ZNF35: variants seen among roughly 807,000 people sequenced by gnomAD.
ZNF35 encodes the protein zinc finger protein 35 (clone HF.10).
ZNF35 carries 31 observed loss-of-function variants against 45.9 expected under a neutral mutation model. The ratio of observed to expected loss-of-function variants is 0.68; its 90% CI spans 0.51 to 0.91. ZNF35 has a LOEUF of 0.91. Among genes scored for constraint, ZNF35 ranks in the 40% least tolerant of loss-of-function variants. The pLI is 0.00. For synonymous variants in ZNF35, 205 were observed against 220.2 expected (o/e 0.93, Z 0.61); for missense variants, 515 against 625.4 (o/e 0.82, Z 1.88).
At chr3:44,650,661 G>T (rs975767181) in intron 1 of ZNF35, among the ~76,000 whole-genome samples, 2 of 152,118 alleles carry the variant, frequency 1.3e-5, no homozygotes, top group African/African-American at 2.4e-5. Context: ...TTAATCATTT[G>T]CTGCTTTTAA....
Position 44,659,854 on chromosome 3 carries a change from T to G in ZNF35, c.1491T>G (p.Thr497=). ...SSLTVHQRTH[T]GEKPYECEKC... Reference sequence around the variant, plus strand: ...TCACCGTGCACCAGAGAACCCACACTGGGGAGAAGCCCTATGAATGTGAGA... The same window carrying G: ...TCACCGTGCACCAGAGAACCCACACGGGGGAGAAGCCCTATGAATGTGAGA... The change falls in exon 4 of 4, where the codon ACT becomes ACG. Residue 497 remains threonine (T), a synonymous_variant. Transcript: ENST00000396056. The surrounding 1 kb of genome is among the most constrained non-coding windows in gnomAD (Gnocchi z 4.3). 6.2e-7 allele frequency: 1 copy of G among 1,613,566 alleles called. No homozygotes were observed. Among genetic ancestry groups the G allele is most frequent in the Non-Finnish European group, 8.5e-7 (1 of 1,179,648 alleles).
chr3:44,658,968 A>C lies in ZNF35; in HGVS notation c.605A>C (p.Lys202Thr), dbSNP rs374168391. 5.9e-5 allele frequency: 96 copies of C among 1,614,106 alleles called. No individual in the cohort carries two copies. The highest frequency in any genetic ancestry group is 7.8e-5 in the Non-Finnish European group (92 of 1,180,048). Residue 202 changes from lysine (K) to threonine (T), a missense_variant, in exon 4 of 4, where the codon AAA becomes ACA. By Grantham distance (78) the Lys-to-Thr change is moderately conservative (BLOSUM62 -1). Coordinates refer to ENST00000396056, the MANE Select transcript of ZNF35 (RefSeq NM_003420.4). ...ENQKCKKSGG[K>T]YSLNSGAVKN... is the part of the protein sequence containing the mutation. The stretch of plus-strand genomic sequence containing the variant: ...CAGAAATGTAAGAAATCTGGAGGAA[A>C]ATATAGCCTTAATTCTGGCGCTGTT...
intron 2 of ZNF35, among the ~76,000 whole-genome samples, chr3:44,651,892 CT>C (rs1703210342): frequency 6.6e-6 from 1 of 151,250 alleles, no homozygotes; most frequent in South Asian, 2.1e-4. Context: ...TTTTAAAACT[CT>C]TCAGGTAATT....
At chr3:44,648,700 T>A (rs572776458), upstream of ZNF35, 27 of 152,082 alleles carry the variant, frequency 1.8e-4, no homozygotes, top group African/African-American at 6.5e-4. Flanking sequence ...CTTGGCGACT[T>A]GGGGAGCCGG....
In ZNF35 at chr3:44,651,212, G is replaced by A. The variant is rs1232432610; in HGVS notation, c.145G>A (p.Val49Met). 2 of 1,614,132 alleles carry A rather than the reference G, an allele frequency of 1.2e-6. No homozygotes were observed. Among genetic ancestry groups the A allele is most frequent in the East Asian group, 2.2e-5 (1 of 44,880 alleles). ...CGAGAACATCAAAGTCTGGGCCCCA[G>A]TGCAGGGTCTTCAGACAGGCCTTGA... ...HSENIKVWAP[V>M]QGLQTGLDGS... Residue 49 changes from valine to methionine, a missense_variant, in exon 2 of 4, where the codon GTG becomes ATG. Coordinates refer to ENST00000396056, the MANE Select transcript of ZNF35 (RefSeq NM_003420.4).
At chr3:44,652,758 C>A in intron 3 of ZNF35, 57 bp downstream of exon 3, 1 of 1,474,106 alleles carries the variant, frequency 6.8e-7, no homozygotes, top group Non-Finnish European at 9.0e-7. Context: ...AAAATCTTTT[C>A]AGAGACTGGT....
upstream of ZNF35, chr3:44,647,937 A>C (rs957394650): frequency 2.6e-5 from 4 of 152,168 alleles, no homozygotes; most frequent in Non-Finnish European, 5.9e-5. Flanking sequence ...ATACACACAT[A>C]CTGTACCAAT....
At chr3:44,658,357 G>A (rs1295827154) in intron 3 of ZNF35, among the ~76,000 whole-genome samples, 1 of 152,184 alleles carries the variant, frequency 6.6e-6, no homozygotes, top group African/African-American at 2.4e-5. Context: ...TTCATAACTG[G>A]TCTTTGTTGC....
intron 3 of ZNF35, 78 bp downstream of exon 3, chr3:44,652,779 T>TC: frequency 7.0e-7 from 1 of 1,421,726 alleles, no homozygotes; most frequent in Non-Finnish European, 9.4e-7. Context: ...GGGCATCCAG[T>TC]CTCCTAGGTT....
intron 3 of ZNF35, among the ~76,000 whole-genome samples, chr3:44,656,807 C>T (rs1473908453): frequency 6.6e-6 from 1 of 151,122 alleles, no homozygotes; most frequent in East Asian, 2.0e-4. Flanking sequence ...AAGTGATTAT[C>T]CTGTCTCAGC....
chr3:44,653,909 C>T (rs1291305905), intron 3 of ZNF35, among the ~76,000 whole-genome samples: 1 of 152,190 alleles, frequency 6.6e-6, no homozygotes. Context: ...CCACTCTCCT[C>T]CCTAACCAGT....
Position 44,659,280 on chromosome 3 carries a change from T to G in ZNF35, c.917T>G (p.Phe306Cys). ...HQKIHSLEKT[F>C]KCNECEKAFS... ...AAAATCCACTCCTTAGAAAAAACTT[T>G]TAAGTGCAATGAATGTGAGAAAGCC... The change falls in exon 4 of 4, where the codon TTT becomes TGT. Residue 306 changes from phenylalanine (F) to cysteine (C), a missense_variant. Phe to Cys is a radical substitution (Grantham distance 205). Transcript: ENST00000396056. The surrounding 1 kb of genome is among the most constrained non-coding windows in gnomAD (Gnocchi z 4.3). 1 of 1,613,872 alleles carries G rather than the reference T, an allele frequency of 6.2e-7. No individual in the cohort carries two copies. The highest frequency in any genetic ancestry group is 2.2e-5 in the East Asian group (1 of 44,876).
chr3:44,654,490 AT>A (rs1200780960), intron 3 of ZNF35, among the ~76,000 whole-genome samples: 2 of 152,188 alleles, frequency 1.3e-5, no homozygotes, highest in African/African-American at 4.8e-5. Context: ...AGGCAGCGTG[AT>A]AGGTGCTGGA....
In ZNF35 at chr3:44,659,229, A is replaced by G. The variant is rs1216817654; in HGVS notation, c.866A>G (p.Gln289Arg). The change falls in exon 4 of 4, where the codon CAG (glutamine) becomes CGG (arginine). Residue 289 changes from glutamine to arginine, a missense_variant. Physicochemically the swap from Gln to Arg is conservative, Grantham distance 43. This residue lies in a region of ZNF35 where 232 missense variants were observed against 304.6 expected (regional missense o/e 0.76). Coordinates refer to ENST00000396056, the MANE Select transcript of ZNF35 (RefSeq NM_003420.4). The surrounding 1 kb of genome is among the most constrained non-coding windows in gnomAD (Gnocchi z 4.3). ...VCSKCGKAFT[Q>R]SSNLTVHQKI... ...TCAAAATGTGGGAAAGCCTTCACTC[A>G]GAGTTCAAATCTGACTGTACATCAA... The G allele has an allele frequency of 5.0e-6, 8 of 1,614,150 alleles. No homozygotes were observed. The East Asian group carries it at 1.8e-4, about 36-fold the overall frequency.
In ZNF35 at chr3:44,651,303, A is replaced by C. The variant is rs772633030; in HGVS notation, c.192+44A>C. 4.4e-5 allele frequency: 69 copies of C among 1,571,964 alleles called. No homozygotes were observed. In the Admixed American group the frequency reaches 1.3e-3, roughly 29 times the overall value. ...GGAAGAGGGGAGGAGATACTTGAAG[A>C]CCTCAAGTAGTTTAAGAGGGGACTC... On this transcript the variant is annotated intron_variant, in intron 2 of 3. Transcript: ENST00000396056.
intron 2 of ZNF35, among the ~76,000 whole-genome samples, 161 bp from the exon 3 acceptor site, chr3:44,652,396 A>G (rs531980058): frequency 2.6e-4 from 40 of 152,220 alleles, no homozygotes; most frequent in South Asian, 1.2e-3. Flanking sequence ...TCTCTGCCCA[A>G]CTCACCCTGG....
chr3:44,657,958 G>T (rs1703338288), intron 3 of ZNF35, among the ~76,000 whole-genome samples: 1 of 152,130 alleles, frequency 6.6e-6, no homozygotes, highest in African/African-American at 2.4e-5. Context: ...GCCTTATGAG[G>T]TAGATACTAT....
rs1703354462 is a variant in ZNF35, at chr3:44,658,875, A to C, written c.512A>C (p.Lys171Thr). ...MLKRQRIKREKKDFRQVIVND... is the reference protein window; with the variant it reads ...MLKRQRIKRETKDFRQVIVND... ...AAGAGGCAGAGAATAAAGAGAGAAA[A>C]GAAAGATTTCAGACAAGTGATAGTG... The change falls in exon 4 of 4, where the codon AAG becomes ACG. Residue 171 changes from lysine (K) to threonine (T), a missense_variant. Physicochemically the swap from Lys to Thr is moderately conservative, Grantham distance 78 (BLOSUM62 -1). Transcript: ENST00000396056. 1 of 1,612,638 alleles carries C rather than the reference A, an allele frequency of 6.2e-7. No homozygotes were observed. The highest frequency in any genetic ancestry group is 1.3e-5 in the African/African-American group (1 of 74,736).
upstream of ZNF35, chr3:44,646,705 C>T (rs1470213371): frequency 3.7e-6 from 2 of 541,594 alleles, no homozygotes; most frequent in East Asian, 3.0e-5. Flanking sequence ...ATGAAAATTT[C>T]GATATGAAAG....
Sources: gnomAD v4.1 joint callset for allele counts (sites outside exome capture counted in the v4.1 genomes callset) on GRCh38, gnomAD v4.1.1 for gene constraint, gnomAD v4.1.1 regional missense constraint, Gnocchi (gnomAD v3.1) non-coding constraint, MANE v1.5 for transcripts, NCBI Gene and HGNC (gene_info 2026-07-23, HGNC 2026-07-21) for gene names.